EPHA8: variants seen among roughly 807,000 people sequenced by gnomAD.
EPHA8 encodes the protein ephrin type-A receptor 8.
EPHA8 carries 58 observed loss-of-function variants against 103.6 expected under a neutral mutation model. The observed-to-expected ratio is 0.56, with a 90% CI of 0.45 to 0.70. The LOEUF is 0.70. EPHA8 is among the 30% of genes least tolerant of loss of function. The pLI, the probability that EPHA8 is intolerant of heterozygous loss-of-function variation, is 0.00. For missense variants in EPHA8, 1,304 were observed against 1,395.2 expected, an observed-to-expected ratio of 0.93 and a Z score of 1.04; for synonymous variants, 559 against 572.5, an observed-to-expected ratio of 0.98 and a Z score of 0.34.
chr1:22,585,052 C>CACGCGT (rs1553146965), intron 3 of EPHA8, among the ~76,000 whole-genome samples: 1 of 144,370 alleles, frequency 6.9e-6, no homozygotes, highest in Non-Finnish European at 1.5e-5. Context: ...TGTGTGTGTG[C>CACGCGT]GCACGCGTGT....
At chr1:22,564,379 T>A (rs113832393) in intron 1 of EPHA8, among the ~76,000 whole-genome samples, 7,973 of 144,012 alleles carry the variant, frequency 0.055, 250 homozygotes, top group South Asian at 0.17. Context: ...GCAGGGGAGT[T>A]CCAGCTGGAG....
At position 22,598,173 on chromosome 1, in the gene EPHA8, T is replaced by TG; in HGVS notation, c.2140dup (p.Glu714GlyfsTer56). On this transcript the variant is annotated frameshift_variant, in exon 12 of 17. Transcript: ENST00000166244. LOFTEE classifies it high-confidence loss of function. This position sits in a 1 kb window ranked among gnomAD's most constrained non-coding sequence, Gnocchi z 5.1. ...CAGGCCGCCTGGCAATGATTGTGAC[T>TG]GAGTACATGGAGAACGGCTCTCTGG... 6.2e-7 allele frequency: 1 copy of TG among 1,613,404 alleles called. No homozygotes were observed. The highest frequency in any genetic ancestry group is 2.2e-5 in the East Asian group (1 of 44,868).
In EPHA8 at chr1:22,600,936, A is replaced by G. The variant is rs1169552695; in HGVS notation, c.2577A>G (p.Ala859=). The change falls in exon 15 of 17, where the codon GCA becomes GCG. Residue 859 remains alanine, a synonymous_variant. Transcript: ENST00000166244. ...SSVEEGYRLP[A]PMGCPHALHQ... ...TGGAGGAGGGGTACCGCCTGCCCGC[A>G]CCCATGGGCTGCCCCCACGCCCTGC... 1 of 1,612,110 alleles carries G rather than the reference A, an allele frequency of 6.2e-7. No individual in the cohort carries two copies. The highest frequency in any genetic ancestry group is 1.1e-5 in the South Asian group (1 of 90,966).
chr1:22,601,129 T>A, intron 15 of EPHA8, 41 bp downstream of exon 15: 1 of 1,574,284 alleles, frequency 6.4e-7, no homozygotes, highest in South Asian at 1.2e-5. Flanking sequence ...CCCAGCTGCC[T>A]CCCAGTATTG....
chr1:22,601,855 C>G lies in EPHA8; in HGVS notation c.*114C>G. On this transcript the variant is annotated 3_prime_UTR_variant, in exon 17 of 17. Transcript: ENST00000166244. ...CGGCCCCAGGCCTCTGCCCTCCTCT[C>G]AGGTGCTGGAGGAGCTGAAGGCTTC... The G allele has an allele frequency of 9.7e-7, 1 of 1,028,270 alleles. No individual in the cohort carries two copies. 63.7% of individuals were successfully genotyped at this position (1,028,270 alleles called of 1,614,324 possible).
chr1:22,580,127 CTTTT>C (rs764600240), intron 3 of EPHA8, among the ~76,000 whole-genome samples: 140 of 97,418 alleles, frequency 1.4e-3, no homozygotes, highest in African/African-American at 4.4e-3. Flanking sequence ...CTTTCTTTCT[CTTTT>C]TTTTTTTTTT....
rs1439127865 is a variant in EPHA8 at position 22,601,783 on chromosome 1, A to G, written c.*42A>G. ...CCCAGGCAGCCACCAAGCCCACCCCAGGTCATGCCAGCGGCAGAGGACGTG... is the reference window on the plus strand; with the variant it reads ...CCCAGGCAGCCACCAAGCCCACCCCGGGTCATGCCAGCGGCAGAGGACGTG... On this transcript the variant is annotated 3_prime_UTR_variant, in exon 17 of 17. Coordinates refer to ENST00000166244, the MANE Select transcript of EPHA8 (RefSeq NM_020526.5). 5.9e-6 allele frequency: 9 copies of G among 1,527,712 alleles called. No individual in the cohort carries two copies. Among genetic ancestry groups the G allele is most frequent in the Non-Finnish European group, 8.0e-6 (9 of 1,130,900 alleles). The allele number at this position is 1,527,712 out of a possible 1,614,324, so 94.6% of individuals were successfully genotyped here. A position where few individuals can be genotyped will look rare whatever the true frequency, so the allele number is the denominator to read the frequency against.
Position 22,569,443 on chromosome 1 carries a change from A to T in EPHA8, c.159+90A>T. On this transcript the variant is annotated intron_variant, in intron 2 of 16. Coordinates refer to ENST00000166244, the MANE Select transcript of EPHA8 (RefSeq NM_020526.5). This position sits in a 1 kb window ranked among gnomAD's most constrained non-coding sequence, Gnocchi z 4.5. ...AGTCTGCATGAGATAGATCAAAAGG[A>T]AGCAGAGGCCCAGAGAGGTCAAGGG... 4 of 1,393,820 alleles carry T rather than the reference A, an allele frequency of 2.9e-6. No individual in the cohort carries two copies. The highest frequency in any genetic ancestry group is 3.9e-6 in the Non-Finnish European group (4 of 1,028,262). 86.3% of individuals were successfully genotyped at this position (1,393,820 alleles called of 1,614,324 possible). A position where few individuals can be genotyped will look rare whatever the true frequency, so the allele number is the denominator to read the frequency against.
In EPHA8 at chr1:22,569,498, C is replaced by A; in HGVS notation, c.159+145C>A. ...ACCCAAGGGCACACAGCAGTTAGTGCTGCTGATCTCTTAACAGTTTAGTGC... is the reference window on the plus strand; with the variant it reads ...ACCCAAGGGCACACAGCAGTTAGTGATGCTGATCTCTTAACAGTTTAGTGC... On this transcript the variant is annotated intron_variant, in intron 2 of 16. Transcript: ENST00000166244. This position sits in a 1 kb window ranked among gnomAD's most constrained non-coding sequence, Gnocchi z 4.5. 1 of 792,768 alleles carries A rather than the reference C, an allele frequency of 1.3e-6. No individual in the cohort carries two copies. The highest frequency in any genetic ancestry group is 2.0e-6 in the Non-Finnish European group (1 of 504,854). 49.1% of individuals were successfully genotyped at this position (792,768 alleles called of 1,614,324 possible).
intron 1 of EPHA8, among the ~76,000 whole-genome samples, chr1:22,564,705 G>T (rs982229328): frequency 2.0e-5 from 3 of 152,020 alleles, no homozygotes; most frequent in Non-Finnish European, 1.5e-5. Context: ...TCCAGCTCAG[G>T]AGGTTTCCCT....
chr1:22,601,764 C>T lies in EPHA8; in HGVS notation c.*23C>T. On this transcript the variant is annotated 3_prime_UTR_variant, in exon 17 of 17. Coordinates refer to ENST00000166244, the MANE Select transcript of EPHA8 (RefSeq NM_020526.5). Reference sequence around the variant, plus strand: ...TGATGTACAGCCAGCAGGGCCCAGGCAGCCACCAAGCCCACCCCAGGTCAT... The same window carrying T: ...TGATGTACAGCCAGCAGGGCCCAGGTAGCCACCAAGCCCACCCCAGGTCAT... The T allele has an allele frequency of 6.5e-7, 1 of 1,546,788 alleles. No homozygotes were observed. The highest frequency in any genetic ancestry group is 8.7e-7 in the Non-Finnish European group (1 of 1,145,040).
In EPHA8 at chr1:22,598,362, GAGTTCAGCC is replaced by G. The variant is rs1641582999; in HGVS notation, c.2178+154_2178+162del. The G allele has an allele frequency of 1.4e-6, 1 of 731,332 alleles. No individual in the cohort carries two copies. The highest frequency in any genetic ancestry group is 1.8e-5 in the African/African-American group (1 of 56,564). 45.3% of individuals were successfully genotyped at this position (731,332 alleles called of 1,614,324 possible). A position where few individuals can be genotyped will look rare whatever the true frequency, so the allele number is the denominator to read the frequency against. ...AGGCAGGTATAGGGAGGAGGTCTTC[GAGTTCAGCC>G]AGTCGAACTGCCTTTCGGCCCCCAT... On this transcript the variant is annotated intron_variant, in intron 12 of 16. Coordinates refer to ENST00000166244, the MANE Select transcript of EPHA8 (RefSeq NM_020526.5). This position sits in a 1 kb window ranked among gnomAD's most constrained non-coding sequence, Gnocchi z 5.1.
intron 3 of EPHA8, among the ~76,000 whole-genome samples, chr1:22,581,493 G>A (rs185250947): frequency 2.3e-4 from 35 of 152,318 alleles, no homozygotes; most frequent in African/African-American, 7.9e-4. Flanking sequence ...CTCAGGTAAC[G>A]CTGCAGTCTC....
Position 22,588,888 on chromosome 1 carries a change from G to A in EPHA8, c.997G>A (p.Val333Met). 6.3e-7 allele frequency: 1 copy of A among 1,593,646 alleles called. No homozygotes were observed. ...GCCCTCAGGGCCACCCTCGGCACCA[G>A]TGAACCTGATCTCCAGTGTGAATGG... is the stretch of plus-strand genomic sequence containing the variant. ...SACTRPPSAP[V>M]NLISSVNGTS... Residue 333 changes from valine (V) to methionine (M), a missense_variant, in exon 5 of 17, where the codon GTG becomes ATG. Transcript: ENST00000166244.
chr1:22,577,832 GTGTGTGCATGTA>G (rs1451292541), intron 3 of EPHA8, among the ~76,000 whole-genome samples: 2 of 136,432 alleles, frequency 1.5e-5, no homozygotes, highest in Non-Finnish European at 3.1e-5. Context: ...GCATGTGTGC[GTGTGTGCATGTA>G]TGTGTGCATG....
intron 1 of EPHA8, among the ~76,000 whole-genome samples, chr1:22,568,299 C>T (rs1569944155): frequency 6.6e-6 from 1 of 152,288 alleles, no homozygotes; most frequent in African/African-American, 2.4e-5. Context: ...CTTTTCCCTA[C>T]CATGTTGAGC....
chr1:22,600,250 AAGG>A (rs1641683697), intron 13 of EPHA8, among the ~76,000 whole-genome samples: 1 of 144,898 alleles, frequency 6.9e-6, no homozygotes, highest in Non-Finnish European at 1.5e-5. Context: ...GGAAGGACAG[AAGG>A]AGGAAGGAAG....
chr1:22,570,031 C>G (rs1296159097), intron 2 of EPHA8, among the ~76,000 whole-genome samples: 3 of 152,158 alleles, frequency 2.0e-5, no homozygotes, highest in Non-Finnish European at 4.4e-5. Context: ...TCTCAGTTTC[C>G]CCATCTATAG....
At position 22,576,478 on chromosome 1, in the gene EPHA8, C is replaced by A; in HGVS notation, c.421C>A (p.Gln141Lys). 1 of 1,614,158 alleles carries A rather than the reference C, an allele frequency of 6.2e-7. No individual in the cohort carries two copies. The highest frequency in any genetic ancestry group is 1.7e-5 in the Admixed American group (1 of 60,032). The change falls in exon 3 of 17, where the codon CAG (glutamine) becomes AAG (lysine). Residue 141 changes from glutamine to lysine, a missense_variant. Physicochemically the swap from Gln to Lys is moderately conservative, Grantham distance 53. Coordinates refer to ENST00000166244, the MANE Select transcript of EPHA8 (RefSeq NM_020526.5). This position sits in a 1 kb window ranked among gnomAD's most constrained non-coding sequence, Gnocchi z 4.8. ...CCTGGGGGCCAGCACACAAGAAAGC[C>A]AGTTCCTCAAAATCGACACCATTGC... ...RDLGASTQESQFLKIDTIAAD... is the reference protein window; with the variant it reads ...RDLGASTQESKFLKIDTIAAD...
Sources: gnomAD v4.1 joint callset for allele counts (sites outside exome capture counted in the v4.1 genomes callset) on GRCh38, gnomAD v4.1.1 for gene constraint, Gnocchi (gnomAD v3.1) non-coding constraint, MANE v1.5 for transcripts, NCBI Gene and HGNC (gene_info 2026-07-23, HGNC 2026-07-21) for gene names.